Variants in MARCHF1 observed in about 807,000 individuals in gnomAD.
MARCHF1 encodes membrane associated ring-CH-type finger 1.
In MARCHF1, 40 loss-of-function variants were observed where a neutral mutation model predicts 54.2. The observed-to-expected ratio is 0.74, with a 90% CI of 0.57 to 0.96. The LOEUF is 0.96. Ranked by LOEUF, MARCHF1 falls within the 40% of genes least tolerant of loss-of-function variation. The pLI is 0.00. For missense variants in MARCHF1, 586 were observed against 656.5 expected (o/e 0.89, Z 1.17); for synonymous variants, 236 against 236.3 (o/e 1.00, Z 0.01).
rs3080980 is a variant in MARCHF1, at chr4:163,683,889, GCTCACTCACTCA to G, written c.162+16912_162+16923del. Among the ~76,000 whole-genome samples the G allele has an allele frequency of 2.8e-3, 422 of 149,020 alleles. 5 individuals carry two copies. In the South Asian group the frequency reaches 0.03, roughly 11 times the overall value. On this transcript the variant is annotated intron_variant, in intron 5 of 9. Transcript: ENST00000514618. The stretch of plus-strand genomic sequence containing the variant: ...GGCTCAAGGCAGACATCATGTGGAG[GCTCACTCACTCA>G]CTCACTCACTCACTCACTCACTCAC...
intron 1 of MARCHF1, among the ~76,000 whole-genome samples, chr4:164,194,408 T>A (rs949795902): frequency 6.6e-6 from 1 of 152,198 alleles, no homozygotes; most frequent in African/African-American, 2.4e-5. Flanking sequence ...TCATGATGGA[T>A]GAACAAATCC....
chr4:163,609,489 C>T (rs1017687362), intron 7 of MARCHF1, among the ~76,000 whole-genome samples: 4 of 151,930 alleles, frequency 2.6e-5, no homozygotes, highest in Non-Finnish European at 5.9e-5. Context: ...TGTCCTAGTA[C>T]TCTACTCAAC....
intron 7 of MARCHF1, among the ~76,000 whole-genome samples, chr4:163,599,599 G>A (rs1285548853): frequency 2.0e-5 from 3 of 152,092 alleles, no homozygotes; most frequent in African/African-American, 7.2e-5. Flanking sequence ...CCCATGCACA[G>A]TGAACACACT....
intron 1 of MARCHF1, among the ~76,000 whole-genome samples, chr4:164,223,246 A>C (rs1732162424): frequency 6.6e-6 from 1 of 152,024 alleles, no homozygotes; most frequent in Non-Finnish European, 1.5e-5. Flanking sequence ...GTAGAGTTGA[A>C]CCAATAATGA....
At chr4:164,132,232 T>C (rs1284717480) in intron 1 of MARCHF1, among the ~76,000 whole-genome samples, 1 of 152,198 alleles carries the variant, frequency 6.6e-6, no homozygotes, top group African/African-American at 2.4e-5. Flanking sequence ...TCAAGGCTTA[T>C]ACTTTGCATT....
chr4:163,997,169 A>G (rs1753093137), intron 2 of MARCHF1, among the ~76,000 whole-genome samples: 1 of 151,996 alleles, frequency 6.6e-6, no homozygotes, highest in Non-Finnish European at 1.5e-5. Flanking sequence ...AGAGAAAAGC[A>G]AAGCCTCAGA....
At chr4:163,645,320 C>T (rs1742711790) in intron 5 of MARCHF1, among the ~76,000 whole-genome samples, 1 of 152,164 alleles carries the variant, frequency 6.6e-6, no homozygotes. Flanking sequence ...CAGCCCCATA[C>T]AACCGCAGTC....
At chr4:163,692,138 T>C (rs1054645022) in intron 5 of MARCHF1, among the ~76,000 whole-genome samples, 15 of 152,206 alleles carry the variant, frequency 9.9e-5, no homozygotes, top group Admixed American at 2.6e-4. Flanking sequence ...TAAGAACTTA[T>C]GTATTATAAG....
rs576817249 is a variant in MARCHF1 at position 163,579,182 on chromosome 4, G to T, written c.1191+6567C>A. Among the ~76,000 whole-genome samples the T allele has an allele frequency of 2.0e-5, 3 of 152,196 alleles. No homozygotes were observed. In the East Asian group the frequency reaches 5.8e-4, roughly 29 times the overall value. ...CCCAAGTTCTATTAGAATAAATCAG[G>T]AGACACTTATACTTTTCATCTCATA... On this transcript the variant is annotated intron_variant, in intron 8 of 9. Coordinates refer to ENST00000514618, the MANE Select transcript of MARCHF1 (RefSeq NM_001394959.1).
intron 4 of MARCHF1, among the ~76,000 whole-genome samples, chr4:163,848,342 ACTTTGTTCTTTTTTT>A (rs2111154435): frequency 6.6e-6 from 1 of 152,246 alleles, no homozygotes; most frequent in East Asian, 1.9e-4. Context: ...ATAGAGTGAC[ACTTTGTTCTTTTTTT>A]CTTTGTAACT....
At chr4:164,025,844 GA>G (rs1206536189) in intron 2 of MARCHF1, among the ~76,000 whole-genome samples, 7 of 151,634 alleles carry the variant, frequency 4.6e-5, no homozygotes, top group Admixed American at 1.3e-4. Flanking sequence ...GATTAACAAA[GA>G]AAAAAATATT....
At chr4:164,118,974 C>T (rs1755999616) in intron 1 of MARCHF1, among the ~76,000 whole-genome samples, 1 of 143,618 alleles carries the variant, frequency 7.0e-6, no homozygotes. Flanking sequence ...GACTCTCCCA[C>T]CAAGAAACAA....
chr4:164,262,868 T>A (rs1192358259), intron 1 of MARCHF1, among the ~76,000 whole-genome samples: 1 of 152,168 alleles, frequency 6.6e-6, no homozygotes, highest in South Asian at 2.1e-4. Context: ...TTATGAGTGA[T>A]TGAAGTTTAG....
chr4:163,947,275 G>A (rs537330670), intron 3 of MARCHF1, among the ~76,000 whole-genome samples: 10 of 152,230 alleles, frequency 6.6e-5, no homozygotes, highest in African/African-American at 2.4e-4. Flanking sequence ...CTTAGAGTAG[G>A]AAGATGATGA....
chr4:163,858,992 A>G (rs1749845955), intron 3 of MARCHF1, among the ~76,000 whole-genome samples: 1 of 152,140 alleles, frequency 6.6e-6, no homozygotes, highest in Non-Finnish European at 1.5e-5. Flanking sequence ...TCTCAAATGG[A>G]GAGAGATGTT....
At chr4:164,243,199 A>G (rs1732829119) in intron 1 of MARCHF1, among the ~76,000 whole-genome samples, 1 of 142,102 alleles carries the variant, frequency 7.0e-6, no homozygotes, top group Non-Finnish European at 1.5e-5. Context: ...AGTTGAAATG[A>G]AGGAAAAAAT....
chr4:163,961,188 G>T (rs367980861), intron 3 of MARCHF1, among the ~76,000 whole-genome samples: 5 of 151,876 alleles, frequency 3.3e-5, no homozygotes, highest in East Asian at 1.9e-4. Context: ...ATTTTTGGGA[G>T]GGATACATTT....
At chr4:163,951,474 A>G (rs1752133247) in intron 3 of MARCHF1, among the ~76,000 whole-genome samples, 1 of 152,222 alleles carries the variant, frequency 6.6e-6, no homozygotes, top group Non-Finnish European at 1.5e-5. Context: ...GCTAAAACCA[A>G]AAGAAAAATG....
intron 4 of MARCHF1, among the ~76,000 whole-genome samples, chr4:163,708,958 G>A (rs1465952982): frequency 1.3e-5 from 2 of 152,004 alleles, no homozygotes; most frequent in African/African-American, 4.8e-5. Flanking sequence ...CTGGTAAATG[G>A]TAATGTTCAT....
Sources: gnomAD v4.1 joint callset for allele counts (sites outside exome capture counted in the v4.1 genomes callset) on GRCh38, gnomAD v4.1.1 for gene constraint, MANE v1.5 for transcripts, NCBI Gene and HGNC (gene_info 2026-07-23, HGNC 2026-07-21) for gene names.